The following LMF1 variants were observed in gnomAD, a reference collection of about 807,000 sequenced individuals.
LMF1 encodes transmembrane protein 112.
Under a neutral mutation model 60.6 loss-of-function variants are expected in LMF1, and 68 were observed. That is an observed-to-expected ratio of 1.12 (90% CI 0.92 to 1.37). The LOEUF (loss-of-function observed/expected upper bound fraction) is 1.37, where lower values mean the gene tolerates loss of function less well. Ranked by LOEUF, LMF1 falls within the 40% of genes most tolerant of loss-of-function variation. The pLI, the probability that LMF1 is intolerant of heterozygous loss-of-function variation, is 0.00. For synonymous variants in LMF1, 418 were observed against 324.7 expected (o/e 1.29, Z -3.09); for missense variants, 948 against 767.2 (o/e 1.24, Z -2.78).
intron 4 of LMF1, among the ~76,000 whole-genome samples, chr16:895,451 G>A (rs1417298041): frequency 2.0e-5 from 3 of 152,200 alleles, no homozygotes; most frequent in Non-Finnish European, 2.9e-5. Flanking sequence ...GAGGGCCTTC[G>A]GGGCGGCCGT....
chr16:888,129 C>T (rs2070365756), intron 5 of LMF1, among the ~76,000 whole-genome samples: 1 of 152,230 alleles, frequency 6.6e-6, no homozygotes, highest in Non-Finnish European at 1.5e-5. Flanking sequence ...AGCTCACAGA[C>T]AGGCCCGGCC....
rs1490263376 is a variant in LMF1, at chr16:878,432, C to CCTGGACACGTGCAG, written c.897+1124_897+1137dup. On this transcript the variant is annotated intron_variant, in intron 6 of 10. Coordinates refer to ENST00000262301, the MANE Select transcript of LMF1 (RefSeq NM_022773.4). This position sits in a 1 kb window ranked among gnomAD's most constrained non-coding sequence, Gnocchi z 5.2. ...GAGGGGTCAAGAACAGCACAGCCAC[C>CCTGGACACGTGCAG]CTGGACACGTGCAGCTTCCAGTAAG... Among the ~76,000 whole-genome samples the CCTGGACACGTGCAG allele has an allele frequency of 6.6e-6, 1 of 152,148 alleles. No homozygotes were observed. The highest frequency in any genetic ancestry group is 1.5e-5 in the Non-Finnish European group (1 of 68,024).
At chr16:948,777 C>T (rs867476905) in intron 2 of LMF1, among the ~76,000 whole-genome samples, 210 of 122,204 alleles carry the variant, frequency 1.7e-3, no homozygotes, top group African/African-American at 5.9e-3. Flanking sequence ...AGTCAGCCAA[C>T]GACAGAGTCA....
At chr16:863,034 T>G (rs1371624835) in intron 10 of LMF1, among the ~76,000 whole-genome samples, 1 of 152,240 alleles carries the variant, frequency 6.6e-6, no homozygotes, top group Non-Finnish European at 1.5e-5. Flanking sequence ...AATTATTATT[T>G]CATACCAGGT....
At chr16:891,817 G>C (rs1175397551) in intron 5 of LMF1, among the ~76,000 whole-genome samples, 2 of 152,240 alleles carry the variant, frequency 1.3e-5, no homozygotes, top group African/African-American at 2.4e-5. Flanking sequence ...GCACAGCTTT[G>C]TTGGCGAAAG....
At chr16:976,231 C>T (rs1340285523) in intron 1 of LMF1, 5 of 444,232 alleles carry the variant, frequency 1.1e-5, no homozygotes, top group African/African-American at 1.0e-4. Flanking sequence ...TCGCATCCTA[C>T]AAGGGCCCAA....
intron 2 of LMF1, among the ~76,000 whole-genome samples, chr16:948,770 CAGCCAACGACAGAGTCAG>C (rs2072331348): frequency 1.4e-5 from 2 of 138,710 alleles, no homozygotes; most frequent in Non-Finnish European, 3.1e-5. Flanking sequence ...ACGACAGAGT[CAGCCAACGACAGAGTCAG>C]AGCCAACGAC....
In LMF1 at chr16:904,517, G is replaced by C. The variant is rs1466391558; in HGVS notation, c.663+6414C>G. Among the ~76,000 whole-genome samples, 3 of 79,950 alleles carry C rather than the reference G, an allele frequency of 3.8e-5. 1 individual carries two copies. Among genetic ancestry groups the C allele is most frequent in the African/African-American group, 2.2e-4 (3 of 13,358 alleles). 52.5% of individuals were successfully genotyped at this position (79,950 alleles called of 152,430 possible). ...CACAGGACGCCTGTCTCTGCTGCGT[G>C]GTGGTGACCTCTGCATCGCCCACAG... On this transcript the variant is annotated intron_variant, in intron 4 of 10. Transcript: ENST00000262301.
intron 1 of LMF1, among the ~76,000 whole-genome samples, chr16:963,365 A>G (rs2072853659): frequency 6.6e-6 from 1 of 152,106 alleles, no homozygotes; most frequent in African/African-American, 2.4e-5. Flanking sequence ...GTGTGTGTGC[A>G]TATGGGTATG....
At chr16:926,166 A>G (rs913795054) in intron 3 of LMF1, among the ~76,000 whole-genome samples, 2 of 149,286 alleles carry the variant, frequency 1.3e-5, no homozygotes, top group East Asian at 4.0e-4. Flanking sequence ...ATATGTGCAT[A>G]CGCGTGTGCA....
rs1442505387 is a variant in LMF1, at chr16:878,041, C to T, written c.897+1529G>A. On this transcript the variant is annotated intron_variant, in intron 6 of 10. Coordinates refer to ENST00000262301, the MANE Select transcript of LMF1 (RefSeq NM_022773.4). This position sits in a 1 kb window ranked among gnomAD's most constrained non-coding sequence, Gnocchi z 5.2. ...AGGAGCCCCCAAACACACATGGGGT[C>T]TGGCTACACGGAACCGACTGAAGCT... is the stretch of plus-strand genomic sequence containing the variant. 6.6e-6 allele frequency among the ~76,000 whole-genome samples: 1 copy of T among 152,118 alleles called. No homozygotes were observed. Among genetic ancestry groups the T allele is most frequent in the East Asian group, 1.9e-4 (1 of 5,166 alleles).
At chr16:980,068 A>G (rs1486439729) in intron 1 of LMF1, 5 of 307,976 alleles carry the variant, frequency 1.6e-5, no homozygotes, top group Non-Finnish European at 3.2e-5. Context: ...CTCTCCACCT[A>G]CGATGCGTGG....
chr16:861,780 GT>G (rs2069474707), intron 10 of LMF1, among the ~76,000 whole-genome samples: 1 of 152,072 alleles, frequency 6.6e-6, no homozygotes. Flanking sequence ...TTCTTTCCTT[GT>G]CCTGCGTACT....
intron 3 of LMF1, among the ~76,000 whole-genome samples, chr16:930,039 A>C (rs1223372628): frequency 6.8e-6 from 1 of 146,198 alleles, no homozygotes; most frequent in African/African-American, 2.6e-5. Context: ...ACGGGGGCAC[A>C]GGGCCCTGGG....
rs557719697 is a variant in LMF1, at chr16:895,124, C to T, written c.664-2052G>A. The stretch of plus-strand genomic sequence containing the variant: ...CACGGCGCCAGTCGCGGTCCCACTG[C>T]GGGAGACTGGCCTCCAGACGGCGGG... On this transcript the variant is annotated intron_variant, in intron 4 of 10. Coordinates refer to ENST00000262301, the MANE Select transcript of LMF1 (RefSeq NM_022773.4). Among the ~76,000 whole-genome samples the T allele has an allele frequency of 1.4e-4, 21 of 152,308 alleles. No individual in the cohort carries two copies. The South Asian group carries it at 3.1e-3, about 23-fold the overall frequency.
intron 2 of LMF1, among the ~76,000 whole-genome samples, chr16:951,277 C>T (rs919749225): frequency 6.6e-6 from 1 of 151,092 alleles, no homozygotes; most frequent in African/African-American, 2.5e-5. Flanking sequence ...GAGCCAACGA[C>T]AGAGTCAGCC....
chr16:871,285 G>C lies in LMF1; in HGVS notation c.954C>G (p.Pro318=), dbSNP rs772082077. The C allele has an allele frequency of 1.2e-6, 2 of 1,612,586 alleles. No homozygotes were observed. The highest frequency in any genetic ancestry group is 2.2e-5 in the South Asian group (2 of 91,020). The change falls in exon 7 of 11, where the codon CCC becomes CCG. Residue 318 remains proline (P), a synonymous_variant. Coordinates refer to ENST00000262301, the MANE Select transcript of LMF1 (RefSeq NM_022773.4). ...LSFLNWLTMV[P]SLACFDDATL... is the part of the protein sequence containing the mutation. The stretch of plus-strand genomic sequence containing the variant: ...TGGCGTCATCAAAGCAGGCCAGGCT[G>C]GGCACCATAGTCAGCCAGTTCAGGA...
At chr16:892,123 G>C (rs960634403) in intron 5 of LMF1, among the ~76,000 whole-genome samples, 1 of 152,268 alleles carries the variant, frequency 6.6e-6, no homozygotes, top group African/African-American at 2.4e-5. Flanking sequence ...GGCACCGCGT[G>C]AGGACGGTGC....
At position 954,518 on chromosome 16, in the gene LMF1, G is replaced by A. The variant is rs754160943; in HGVS notation, c.342C>T (p.Leu114=). 3.7e-5 allele frequency: 59 copies of A among 1,612,980 alleles called. No homozygotes were observed. The highest frequency in any genetic ancestry group is 4.9e-5 in the Non-Finnish European group (58 of 1,179,684). The change falls in exon 2 of 11, where the codon CTC becomes CTT. Residue 114 remains leucine (L), a synonymous_variant. Coordinates refer to ENST00000262301, the MANE Select transcript of LMF1 (RefSeq NM_022773.4). ...WEVFSYMPTI[L]WLMDWSDMNS... is the part of the protein sequence containing the mutation. ...TCATGTCTGACCAGTCCATCAGCCAGAGGATGGTGGGCATGTAGCTGAAGA... is the reference window on the plus strand; with the variant it reads ...TCATGTCTGACCAGTCCATCAGCCAAAGGATGGTGGGCATGTAGCTGAAGA...
Sources: allele counts gnomAD v4.1 joint callset (sites outside exome capture counted in the v4.1 genomes callset), GRCh38; gene constraint gnomAD v4.1.1; non-coding constraint Gnocchi (gnomAD v3.1); transcripts MANE v1.5; gene names NCBI Gene and HGNC (gene_info 2026-07-23, HGNC 2026-07-21).